CALN1: variants seen among roughly 807,000 people sequenced by gnomAD.
CALN1 encodes the protein calcium-binding protein 8.
In CALN1, 17 loss-of-function variants were observed where a neutral mutation model predicts 30.6. The ratio of observed to expected loss-of-function variants is 0.56; its 90% CI spans 0.38 to 0.83. The LOEUF (loss-of-function observed/expected upper bound fraction) is 0.83. Among genes scored for constraint, CALN1 ranks in the 40% least tolerant of loss-of-function variants. The pLI is 0.00. For synonymous variants in CALN1, 156 were observed against 131.4 expected (o/e 1.19, Z -1.28); for missense variants, 291 against 354.9 (o/e 0.82, Z 1.45).
intron 2 of CALN1, among the ~76,000 whole-genome samples, chr7:72,395,041 C>G (rs1805828444): frequency 6.6e-6 from 1 of 152,142 alleles, no homozygotes; most frequent in Non-Finnish European, 1.5e-5. Context: ...TGATGTGCCC[C>G]AGGAACGCCC....
chr7:72,287,186 C>G (rs1481172650), intron 2 of CALN1, among the ~76,000 whole-genome samples: 2 of 152,048 alleles, frequency 1.3e-5, no homozygotes, highest in African/African-American at 4.8e-5. Flanking sequence ...TACACTGAAA[C>G]CCTTACCACC....
rs869149598 is a variant in CALN1 at position 72,203,979 on chromosome 7, CTTTTTTTTTT to C, written c.244+74697_244+74706del. On this transcript the variant is annotated intron_variant, in intron 3 of 6. Coordinates refer to ENST00000395275, the MANE Select transcript of CALN1 (RefSeq NM_031468.4). ...TAGCCTTCATATAAGAGGCCTCTCT[CTTTTTTTTTT>C]TTTTTTTTTTTTTTTTTTTTGAGAC... Among the ~76,000 whole-genome samples, 178 of 83,780 alleles carry C rather than the reference CTTTTTTTTTT, an allele frequency of 2.1e-3. 1 individual carries two copies. The highest frequency in any genetic ancestry group is 0.018 in the Middle Eastern group (2 of 110). 55.0% of individuals were successfully genotyped at this position (83,780 alleles called of 152,430 possible).
At chr7:72,099,733 T>A (rs1332893008) in intron 4 of CALN1, among the ~76,000 whole-genome samples, 1 of 152,212 alleles carries the variant, frequency 6.6e-6, no homozygotes, top group Non-Finnish European at 1.5e-5. Flanking sequence ...CTAAATCTTT[T>A]GTAGGCAACA....
intron 3 of CALN1, among the ~76,000 whole-genome samples, chr7:72,249,622 C>T (rs551773164): frequency 6.6e-6 from 1 of 152,158 alleles, no homozygotes; most frequent in African/African-American, 2.4e-5. Context: ...GCCAACATGG[C>T]AAAACCCTGT....
intron 5 of CALN1, among the ~76,000 whole-genome samples, chr7:71,816,987 G>T (rs1366620301): frequency 3.3e-5 from 5 of 151,900 alleles, no homozygotes. Flanking sequence ...AAAATCTATA[G>T]TTTTGGAGAT....
At chr7:72,275,282 C>A (rs1797261737) in intron 3 of CALN1, among the ~76,000 whole-genome samples, 1 of 152,106 alleles carries the variant, frequency 6.6e-6, no homozygotes, top group Non-Finnish European at 1.5e-5. Context: ...TGAGTGCCCC[C>A]AACCAGCAGA....
chr7:71,949,644 T>C (rs975717131), intron 5 of CALN1, among the ~76,000 whole-genome samples: 1 of 152,020 alleles, frequency 6.6e-6, no homozygotes, highest in African/African-American at 2.4e-5. Flanking sequence ...CCTCCCAAAG[T>C]GCTGAGCTTA....
At chr7:72,336,569 A>G in intron 2 of CALN1, 1 of 482,536 alleles carries the variant, frequency 2.1e-6, no homozygotes, top group Non-Finnish European at 2.7e-6. Context: ...CTGTCTGCCA[A>G]CCATCTGCCC....
At chr7:72,106,021 TC>T in intron 4 of CALN1, 129 bp downstream of exon 4, 2 of 1,265,902 alleles carry the variant, frequency 1.6e-6, no homozygotes, top group Non-Finnish European at 2.1e-6. Flanking sequence ...CCTGTTCTAG[TC>T]CAAGTTTCTG....
At position 72,337,148 on chromosome 7, in the gene CALN1, G is replaced by A. The variant is rs376386351; in HGVS notation, c.120-58338C>T. On this transcript the variant is annotated intron_variant, in intron 2 of 6. Coordinates refer to ENST00000395275, the MANE Select transcript of CALN1 (RefSeq NM_031468.4). ...GTGGCCGAGGCCCCGCTGGAGTTGCGCGCCCTAGAAACTCCATGCAGCTCC... is the reference window on the plus strand; with the variant it reads ...GTGGCCGAGGCCCCGCTGGAGTTGCACGCCCTAGAAACTCCATGCAGCTCC... 6.5e-5 allele frequency: 64 copies of A among 985,332 alleles called. No homozygotes were observed. The East Asian group carries it at 4.9e-3, about 75-fold the overall frequency. The allele number at this position is 985,332 out of a possible 1,614,324, so 61.0% of individuals were successfully genotyped here. A position where few individuals can be genotyped will look rare whatever the true frequency, so the allele number is the denominator to read the frequency against.
chr7:71,962,847 T>G (rs1214386392), intron 5 of CALN1, among the ~76,000 whole-genome samples: 1 of 152,142 alleles, frequency 6.6e-6, no homozygotes, highest in Non-Finnish European at 1.5e-5. Context: ...AGACAATCCC[T>G]GGTGAGATGA....
At chr7:71,927,343 G>A (rs1440354148) in intron 5 of CALN1, among the ~76,000 whole-genome samples, 1 of 152,138 alleles carries the variant, frequency 6.6e-6, no homozygotes, top group African/African-American at 2.4e-5. Flanking sequence ...CTGAGTAGCT[G>A]AGACCACAGG....
intron 3 of CALN1, among the ~76,000 whole-genome samples, chr7:72,189,905 C>T (rs1349655815): frequency 1.3e-5 from 2 of 152,090 alleles, no homozygotes; most frequent in African/African-American, 4.8e-5. Context: ...ACTTTGAATG[C>T]ATATAGCCGA....
chr7:72,367,590 A>G (rs1182131664), intron 2 of CALN1, among the ~76,000 whole-genome samples: 1 of 149,806 alleles, frequency 6.7e-6, no homozygotes, highest in East Asian at 1.9e-4. Context: ...GCACTGCCAC[A>G]CTCCAGCCTG....
At chr7:72,398,547 T>TA (rs1806125947) in intron 2 of CALN1, among the ~76,000 whole-genome samples, 2 of 152,188 alleles carry the variant, frequency 1.3e-5, no homozygotes, top group Non-Finnish European at 2.9e-5. Context: ...ACCATAGTGG[T>TA]AGGGTTATTT....
At chr7:71,986,493 G>A (rs1445276347) in intron 5 of CALN1, among the ~76,000 whole-genome samples, 4 of 152,202 alleles carry the variant, frequency 2.6e-5, no homozygotes, top group Non-Finnish European at 4.4e-5. Flanking sequence ...GAAACTGGCT[G>A]AGCAGAATAA....
intron 6 of CALN1, among the ~76,000 whole-genome samples, chr7:71,795,526 C>A (rs188073581): frequency 6.6e-6 from 1 of 152,316 alleles, no homozygotes; most frequent in East Asian, 1.9e-4. Flanking sequence ...TCCAATTCAG[C>A]AGCGTTTAAC....
At chr7:71,811,544 A>G (rs1048291333) in intron 5 of CALN1, among the ~76,000 whole-genome samples, 1 of 152,120 alleles carries the variant, frequency 6.6e-6, no homozygotes, top group East Asian at 1.9e-4. Context: ...CACAAGTTCA[A>G]AGTCATGTTC....
At chr7:72,227,883 C>T (rs1462677927) in intron 3 of CALN1, among the ~76,000 whole-genome samples, 1 of 150,224 alleles carries the variant, frequency 6.7e-6, no homozygotes, top group Non-Finnish European at 1.5e-5. Context: ...CCAAGCTACA[C>T]TGTAGACACC....
Sources: gnomAD v4.1 joint callset for allele counts (sites outside exome capture counted in the v4.1 genomes callset) on GRCh38, gnomAD v4.1.1 for gene constraint, MANE v1.5 for transcripts, NCBI Gene and HGNC (gene_info 2026-07-23, HGNC 2026-07-21) for gene names.